Variants in TENM1 observed in about 807,000 individuals in gnomAD.
TENM1 encodes the protein teneurin-1.
Under a neutral mutation model 174.8 loss-of-function variants are expected in TENM1, and 35 were observed. The ratio of observed to expected loss-of-function variants is 0.20; its 90% CI spans 0.15 to 0.27. The LOEUF (loss-of-function observed/expected upper bound fraction) is 0.27, where lower values mean the gene tolerates loss of function less well. TENM1 is among the 10% of genes least tolerant of loss of function. The probability of loss-of-function intolerance (pLI) is 1.00; values close to 1 mark genes in which losing one functional copy is unlikely to be tolerated. For missense variants in TENM1, 1,633 were observed against 2,130.1 expected (o/e 0.77, Z 4.59); for synonymous variants, 781 against 798.7 (o/e 0.98, Z 0.37).
intron 28 of TENM1, among the ~76,000 whole-genome samples, chrX:124,386,513 G>C (rs926487550): frequency 9.0e-6 from 1 of 110,726 alleles, no homozygotes; most frequent in Non-Finnish European, 1.9e-5. Flanking sequence ...GTGAGGGTCT[G>C]GATATGAAAA....
At chrX:124,879,440 T>A (rs2057265911) in intron 3 of TENM1, among the ~76,000 whole-genome samples, 1 of 112,277 alleles carries the variant, frequency 8.9e-6, no homozygotes, top group Admixed American at 9.4e-5. Context: ...TTGCTGCAGA[T>A]GACAGGATTT....
At chrX:124,597,091 C>T (rs1021770829) in intron 11 of TENM1, among the ~76,000 whole-genome samples, 2 of 111,404 alleles carry the variant, frequency 1.8e-5, no homozygotes, top group Admixed American at 9.5e-5. Context: ...TAAAGTAGTA[C>T]AACCCTATGG....
chrX:125,052,648 T>C, the TENM1 span, among the ~76,000 whole-genome samples: 1 of 111,621 alleles, frequency 9.0e-6, no homozygotes, highest in East Asian at 2.8e-4. Context: ...GGGTATTTAG[T>C]TCATATTGTG....
intron 5 of TENM1, among the ~76,000 whole-genome samples, chrX:124,676,045 A>G (rs1483698427): frequency 2.8e-5 from 3 of 105,807 alleles, no homozygotes; most frequent in African/African-American, 3.4e-5. Context: ...ACTCATACAC[A>G]TAAGTCCTGG....
intron 3 of TENM1, among the ~76,000 whole-genome samples, chrX:124,783,642 C>A (rs2054969646): frequency 1.8e-5 from 2 of 111,045 alleles, no homozygotes; most frequent in African/African-American, 6.5e-5. Context: ...GGAGAGTGAA[C>A]AAAAGAAGCA....
chrX:125,006,625 G>A, the TENM1 span, among the ~76,000 whole-genome samples: 1 of 111,524 alleles, frequency 9.0e-6, no homozygotes, highest in Non-Finnish European at 1.9e-5. Context: ...AACTCTGGTT[G>A]GCATCAGGCT....
At chrX:124,499,294 T>C (rs1244904116) in intron 19 of TENM1, among the ~76,000 whole-genome samples, 7 of 111,715 alleles carry the variant, frequency 6.3e-5, no homozygotes, top group Non-Finnish European at 1.1e-4. Context: ...GGTAGGAACA[T>C]TGCTGGCAAA....
chrX:124,751,393 T>C, intron 3 of TENM1, among the ~76,000 whole-genome samples: 1 of 111,790 alleles, frequency 8.9e-6, no homozygotes, highest in South Asian at 3.7e-4. Context: ...CAACAATAGA[T>C]AATTATGAGG....
intron 1 of TENM1, among the ~76,000 whole-genome samples, chrX:124,954,245 G>A (rs191925322): frequency 2.3e-3 from 261 of 111,291 alleles, no homozygotes; most frequent in African/African-American, 8.2e-3. Context: ...GTCACTGACT[G>A]TGGTTACCTA....
the TENM1 span, among the ~76,000 whole-genome samples, chrX:125,162,091 C>T: frequency 9.0e-6 from 1 of 111,095 alleles, no homozygotes; most frequent in Non-Finnish European, 1.9e-5. Context: ...TTTTTTTCTG[C>T]CCCTTTCTGC....
At chrX:124,891,632 C>T (rs2057478006) in intron 3 of TENM1, among the ~76,000 whole-genome samples, 3 of 107,417 alleles carry the variant, frequency 2.8e-5, no homozygotes, top group African/African-American at 1.0e-4. Context: ...GCACTCCAGC[C>T]TGGCTACAGA....
chrX:125,039,450 C>A, the TENM1 span, among the ~76,000 whole-genome samples: 1 of 110,315 alleles, frequency 9.1e-6, no homozygotes, highest in African/African-American at 3.3e-5. Flanking sequence ...TACAGGTGGC[C>A]CCCAAAGCAT....
chrX:124,585,610 C>A (rs1487232317), intron 11 of TENM1, among the ~76,000 whole-genome samples: 3 of 111,014 alleles, frequency 2.7e-5, no homozygotes, highest in Non-Finnish European at 5.7e-5. Flanking sequence ...GACACCCTAA[C>A]ATCACAATTA....
At chrX:125,200,654 T>TGTGAGAGAGAGAGA in the TENM1 span, among the ~76,000 whole-genome samples, 142 of 92,413 alleles carry the variant, frequency 1.5e-3, 2 homozygotes, top group African/African-American at 5.9e-3. Flanking sequence ...TGTGTGTGTG[T>TGTGAGAGAGAGAGA]GAGAGAGAGA....
intron 4 of TENM1, among the ~76,000 whole-genome samples, chrX:124,728,587 C>T (rs1341694091): frequency 9.0e-6 from 1 of 111,041 alleles, no homozygotes; most frequent in Non-Finnish European, 1.9e-5. Flanking sequence ...CGACTTTCCC[C>T]CCTTCTACCT....
At chrX:124,690,484 AGTGTGTGT>A (rs58386633) in intron 5 of TENM1, among the ~76,000 whole-genome samples, 2,625 of 93,419 alleles carry the variant, frequency 0.028, 95 homozygotes, top group African/African-American at 0.094. Context: ...GCTTTGTTAG[AGTGTGTGT>A]GTGTGTGTGT....
chrX:124,498,178 T>A lies in TENM1; in HGVS notation c.3446-913A>T, dbSNP rs556687094. Among the ~76,000 whole-genome samples, 245 of 111,757 alleles carry A rather than the reference T, an allele frequency of 2.2e-3. 1 individual carries two copies. Among genetic ancestry groups the A allele is most frequent in the Middle Eastern group, 0.014 (3 of 217 alleles). On this transcript the variant is annotated intron_variant, in intron 19 of 31. Coordinates refer to ENST00000422452, the Ensembl canonical transcript of TENM1. Reference sequence around the variant, plus strand: ...TAAATTGGAAATCTGGACATCACCATGGCTCTTCTTTCCCCCCATTCTTGA... The same window carrying A: ...TAAATTGGAAATCTGGACATCACCAAGGCTCTTCTTTCCCCCCATTCTTGA...
At chrX:124,895,855 G>T in intron 2 of TENM1, 126 bp downstream of exon 5, 1 of 830,365 alleles carries the variant, frequency 1.2e-6, no homozygotes, top group Non-Finnish European at 1.7e-6. Flanking sequence ...ATGAGTCCCT[G>T]CTAACTTGTA....
the TENM1 span, among the ~76,000 whole-genome samples, chrX:124,977,837 A>G: frequency 2.7e-5 from 3 of 109,341 alleles, no homozygotes; most frequent in Non-Finnish European, 5.7e-5. Flanking sequence ...TCCTTTTTAC[A>G]TGTTGTGTTA....
Sources: gnomAD v4.1 joint callset for allele counts (sites outside exome capture counted in the v4.1 genomes callset) on GRCh38, gnomAD v4.1.1 for gene constraint, MANE v1.5 for transcripts, NCBI Gene and HGNC (gene_info 2026-07-23, HGNC 2026-07-21) for gene names.